The following LHFPL3 variants were observed in gnomAD, a reference collection of about 807,000 sequenced individuals.
The protein encoded by LHFPL3 is LHFPL tetraspan subfamily member 3 protein.
In LHFPL3, 5 loss-of-function variants were observed where a neutral mutation model predicts 19.3. That is an observed-to-expected ratio of 0.26 (90% CI 0.14 to 0.54). The LOEUF is 0.54. Ranked by LOEUF, LHFPL3 falls within the 20% of genes least tolerant of loss-of-function variation. The pLI, the probability that LHFPL3 is intolerant of heterozygous loss-of-function variation, is 0.94. For synonymous variants in LHFPL3, 133 were observed against 126.2 expected (o/e 1.05, Z -0.36); for missense variants, 249 against 307.4 (o/e 0.81, Z 1.42).
rs547023067 is a variant in LHFPL3, at chr7:104,732,973, T to C, written c.446-3702T>C. Among the ~76,000 whole-genome samples, 5 of 152,314 alleles carry C rather than the reference T, an allele frequency of 3.3e-5. No individual in the cohort carries two copies. The East Asian group carries it at 9.7e-4, about 29-fold the overall frequency. On this transcript the variant is annotated intron_variant, in intron 1 of 2. Coordinates refer to ENST00000424859, the MANE Select transcript of LHFPL3 (RefSeq NM_199000.3). ...AACATCTTTATTTCTGCCTTCATTTTGTTATGTACCCCATAGTCATTCAGG... is the reference window on the plus strand; with the variant it reads ...AACATCTTTATTTCTGCCTTCATTTCGTTATGTACCCCATAGTCATTCAGG...
intron 1 of LHFPL3, among the ~76,000 whole-genome samples, chr7:104,551,360 G>C (rs550689937): frequency 1.3e-5 from 2 of 152,078 alleles, no homozygotes; most frequent in Non-Finnish European, 2.9e-5. Flanking sequence ...ATAGCTCTCC[G>C]TGGGTTCTCT....
intron 2 of LHFPL3, among the ~76,000 whole-genome samples, chr7:104,787,215 C>T (rs1337158055): frequency 2.0e-5 from 3 of 152,274 alleles, no homozygotes; most frequent in African/African-American, 7.2e-5. Flanking sequence ...GAAAGTCTTG[C>T]AATTGCTTTC....
intron 1 of LHFPL3, among the ~76,000 whole-genome samples, chr7:104,372,900 A>G (rs1790641033): frequency 6.6e-6 from 1 of 150,796 alleles, no homozygotes; most frequent in Admixed American, 6.7e-5. Context: ...ATTAATCAGA[A>G]TAAAACACCA....
intron 1 of LHFPL3, among the ~76,000 whole-genome samples, chr7:104,508,827 T>C (rs1584368494): frequency 1.4e-5 from 2 of 147,276 alleles, no homozygotes; most frequent in South Asian, 4.3e-4. Flanking sequence ...CAAAGAGCTG[T>C]GTTTTTTTTA....
At chr7:104,832,108 G>A (rs376888688) in intron 2 of LHFPL3, among the ~76,000 whole-genome samples, 1 of 151,986 alleles carries the variant, frequency 6.6e-6, no homozygotes, top group Non-Finnish European at 1.5e-5. Flanking sequence ...GAAACTCACA[G>A]AAGTCAGCAT....
chr7:104,583,024 C>T (rs1378890559), intron 1 of LHFPL3, among the ~76,000 whole-genome samples: 1 of 151,926 alleles, frequency 6.6e-6, no homozygotes, highest in African/African-American at 2.4e-5. Flanking sequence ...GTTCCCCCTT[C>T]AGTCAAGCAG....
chr7:104,416,006 C>G (rs1467422562), intron 1 of LHFPL3, among the ~76,000 whole-genome samples: 1 of 152,172 alleles, frequency 6.6e-6, no homozygotes, highest in Non-Finnish European at 1.5e-5. Flanking sequence ...ATATGAAGTC[C>G]TAACATCCAG....
intron 1 of LHFPL3, among the ~76,000 whole-genome samples, chr7:104,662,426 A>G (rs1353860333): frequency 6.6e-6 from 1 of 152,188 alleles, no homozygotes; most frequent in African/African-American, 2.4e-5. Context: ...ATTATTATTA[A>G]TTTCCATTTT....
chr7:104,903,141 T>C (rs1792526005), intron 2 of LHFPL3, among the ~76,000 whole-genome samples: 1 of 152,124 alleles, frequency 6.6e-6, no homozygotes, highest in African/African-American at 2.4e-5. Flanking sequence ...CCCAGCCCAC[T>C]GAGAACAGGT....
intron 1 of LHFPL3, among the ~76,000 whole-genome samples, chr7:104,587,038 C>G (rs1425217716): frequency 2.6e-5 from 4 of 151,980 alleles, no homozygotes; most frequent in Non-Finnish European, 5.9e-5. Context: ...CATTGTGATG[C>G]CAAAAATAAT....
chr7:104,856,482 T>G (rs1038982942), intron 2 of LHFPL3, among the ~76,000 whole-genome samples: 1 of 151,910 alleles, frequency 6.6e-6, no homozygotes, highest in African/African-American at 2.4e-5. Context: ...ACTCCTGACC[T>G]CGTGATCCAC....
chr7:104,745,256 C>T lies in LHFPL3; in HGVS notation c.682+8345C>T, dbSNP rs1359212509. Reference sequence around the variant, plus strand: ...ATACAGAAGCTGCCCCTTCCTCTTTCTCCTTCTTCCTAAAGGAACATAAAA... The same window carrying T: ...ATACAGAAGCTGCCCCTTCCTCTTTTTCCTTCTTCCTAAAGGAACATAAAA... On this transcript the variant is annotated intron_variant, in intron 2 of 2. Coordinates refer to ENST00000424859, the MANE Select transcript of LHFPL3 (RefSeq NM_199000.3). Among the ~76,000 whole-genome samples the T allele has an allele frequency of 2.6e-5, 4 of 152,182 alleles. No homozygotes were observed. The South Asian group carries it at 6.2e-4, about 24-fold the overall frequency.
chr7:104,848,887 TTTTG>T (rs1471852894), intron 2 of LHFPL3, among the ~76,000 whole-genome samples: 1 of 152,010 alleles, frequency 6.6e-6, no homozygotes, highest in African/African-American at 2.4e-5. Flanking sequence ...CTCTGCCTTT[TTTTG>T]TTTTTTTGGT....
chr7:104,360,623 T>G (rs1277839665), intron 1 of LHFPL3, among the ~76,000 whole-genome samples: 1 of 151,832 alleles, frequency 6.6e-6, no homozygotes, highest in Non-Finnish European at 1.5e-5. Context: ...GGCTTTGTAG[T>G]CATTATATTT....
rs137887351 is a variant in LHFPL3 at position 104,464,308 on chromosome 7, G to A, written c.445+135084G>A. On this transcript the variant is annotated intron_variant, in intron 1 of 2. Transcript: ENST00000424859. ...CCCTTCCTGGCTGTTTTCATGGCAG[G>A]TTTTGAGTGTCTGTGGCTTTTCCAG... Among the ~76,000 whole-genome samples the A allele has an allele frequency of 4.3e-3, 656 of 152,306 alleles. 3 individuals carry two copies. Among genetic ancestry groups the A allele is most frequent in the African/African-American group, 0.015 (619 of 41,562 alleles).
chr7:104,893,067 C>G (rs914760889), intron 2 of LHFPL3, among the ~76,000 whole-genome samples: 6 of 151,774 alleles, frequency 4.0e-5, no homozygotes, highest in African/African-American at 1.2e-4. Flanking sequence ...TTTTAATTAG[C>G]CAGGCATTTG....
At chr7:104,613,761 G>A (rs993921573) in intron 1 of LHFPL3, among the ~76,000 whole-genome samples, 2 of 152,246 alleles carry the variant, frequency 1.3e-5, no homozygotes, top group East Asian at 1.9e-4. Flanking sequence ...TGCATGGGCC[G>A]AGTGGAACAG....
rs150613116 is a variant in LHFPL3, at chr7:104,904,850, G to C, written c.683-1337G>C. On this transcript the variant is annotated intron_variant, in intron 2 of 2. Transcript: ENST00000424859. ...CTATGAAAATCATTCAAAGAATAAG[G>C]TTAATCATACTGTTTGAGGTCTAGC... is the stretch of plus-strand genomic sequence containing the variant. Among the ~76,000 whole-genome samples the C allele has an allele frequency of 1.5e-3, 227 of 152,154 alleles. 1 individual carries two copies. The highest frequency in any genetic ancestry group is 5.2e-3 in the African/African-American group (214 of 41,508).
intron 2 of LHFPL3, chr7:104,826,844 A>T (rs1384746944): frequency 6.6e-6 from 1 of 151,300 alleles, no homozygotes; most frequent in East Asian, 1.9e-4. Flanking sequence ...CTTGCACCCC[A>T]CTCCTTTTTT....
Sources: allele counts gnomAD v4.1 joint callset (sites outside exome capture counted in the v4.1 genomes callset), GRCh38; gene constraint gnomAD v4.1.1; transcripts MANE v1.5; gene names NCBI Gene and HGNC (gene_info 2026-07-23, HGNC 2026-07-21).